The following PINX1 variants were observed in gnomAD, a reference collection of about 807,000 sequenced individuals.
The protein encoded by PINX1 is PIN2/TERF1-interacting telomerase inhibitor 1.
PINX1 carries 34 observed loss-of-function variants against 25.4 expected under a neutral mutation model. The ratio of observed to expected loss-of-function variants is 1.34; its 90% confidence interval spans 1.02 to 1.78. PINX1 has a LOEUF of 1.78. PINX1 is among the 40% of genes most tolerant of loss of function. PINX1 has a pLI of 0.00. For missense variants in PINX1, 592 were observed against 404.9 expected, an observed-to-expected ratio of 1.46 and a Z score of -3.97; for synonymous variants, 197 against 147.7, an observed-to-expected ratio of 1.33 and a Z score of -2.42.
At chr8:10,766,586 C>T (rs1486093334) in intron 6 of PINX1, among the ~76,000 whole-genome samples, 1 of 152,248 alleles carries the variant, frequency 6.6e-6, no homozygotes, top group African/African-American at 2.4e-5. Context: ...TTGGGGGCTT[C>T]TTTCCCTCAG....
chr8:10,785,776 T>C (rs905719492), intron 6 of PINX1, among the ~76,000 whole-genome samples: 1 of 152,238 alleles, frequency 6.6e-6, no homozygotes, highest in Non-Finnish European at 1.5e-5. Flanking sequence ...CTTGTGTATG[T>C]ATACCAACAT....
At chr8:10,773,130 A>T (rs540968333) in intron 6 of PINX1, among the ~76,000 whole-genome samples, 1 of 152,218 alleles carries the variant, frequency 6.6e-6, no homozygotes, top group Non-Finnish European at 1.5e-5. Flanking sequence ...GAATAAATGT[A>T]TTATAAAATC....
In PINX1 at chr8:10,812,550, C is replaced by T. The variant is rs1797560757; in HGVS notation, c.471+7643G>A. On this transcript the variant is annotated intron_variant, in intron 6 of 6. Transcript: ENST00000314787. ...TTCCTTTTCCTGAGTTGTTACCTTT[C>T]GATGAATTTCATCAGTCAGTGCTAG... Among the ~76,000 whole-genome samples the T allele has an allele frequency of 2.6e-5, 4 of 152,206 alleles. No homozygotes were observed. The South Asian group carries it at 6.2e-4, about 24-fold the overall frequency.
intron 1 of PINX1, among the ~76,000 whole-genome samples, 181 bp from the exon 2 acceptor site, chr8:10,834,956 C>T (rs1429810417): frequency 2.0e-5 from 3 of 152,144 alleles, no homozygotes; most frequent in South Asian, 4.1e-4. Context: ...TCCTGATTTC[C>T]CTAATAAATG....
At chr8:10,796,191 C>A (rs1411830238) in intron 6 of PINX1, among the ~76,000 whole-genome samples, 1 of 152,080 alleles carries the variant, frequency 6.6e-6, no homozygotes, top group African/African-American at 2.4e-5. Flanking sequence ...GCTTGATTGG[C>A]TCAGATAAGA....
At chr8:10,801,288 G>A (rs984557469) in intron 6 of PINX1, among the ~76,000 whole-genome samples, 2 of 152,216 alleles carry the variant, frequency 1.3e-5, no homozygotes, top group Non-Finnish European at 2.9e-5. Flanking sequence ...TATGCTAAAG[G>A]AGGAGAGGAT....
Position 10,808,615 on chromosome 8 carries a change from G to T in PINX1, c.471+11578C>A, listed in dbSNP as rs1278509927. Among the ~76,000 whole-genome samples, 5 of 152,204 alleles carry T rather than the reference G, an allele frequency of 3.3e-5. No homozygotes were observed. The East Asian group carries it at 7.7e-4, about 23-fold the overall frequency. ...AAAGTACAGAGAGGTTACATAGCGT[G>T]TCCAGTAGCGCAGTGCTAGCAACTG... On this transcript the variant is annotated intron_variant, in intron 6 of 6. Coordinates refer to ENST00000314787, the MANE Select transcript of PINX1 (RefSeq NM_017884.6).
intron 4 of PINX1, among the ~76,000 whole-genome samples, chr8:10,829,828 GCA>G: frequency 6.6e-6 from 1 of 152,230 alleles, no homozygotes; most frequent in African/African-American, 2.4e-5. Flanking sequence ...GGGATTACAG[GCA>G]TACGCCACCA....
chr8:10,766,517 G>A (rs1801053716), intron 6 of PINX1, among the ~76,000 whole-genome samples: 2 of 152,198 alleles, frequency 1.3e-5, no homozygotes, highest in Admixed American at 6.5e-5. Flanking sequence ...TGCTCCTGAA[G>A]GGAGGGCAGA....
intron 6 of PINX1, among the ~76,000 whole-genome samples, chr8:10,817,376 T>C (rs571858161): frequency 6.6e-6 from 1 of 152,306 alleles, no homozygotes; most frequent in South Asian, 2.1e-4. Flanking sequence ...ACAAATCTGA[T>C]CAAAGTCCTC....
Position 10,834,764 on chromosome 8 carries a change from G to C in PINX1, c.31C>G (p.Gln11Glu), listed in dbSNP as rs1798347948. Reference protein sequence around the residue: MSMLAERRRKQKWAVDPQNTA... With the variant: MSMLAERRRKEKWAVDPQNTA... ...TTCTGAGGATCCACAGCCCACTTCTGCTTCCGCCGACCTGTAAATGAAAAA... is the reference window on the plus strand; with the variant it reads ...TTCTGAGGATCCACAGCCCACTTCTCCTTCCGCCGACCTGTAAATGAAAAA... The change falls in exon 2 of 7, where the codon CAG becomes GAG. Residue 11 changes from glutamine to glutamate, a missense_variant. Coordinates refer to ENST00000314787, the MANE Select transcript of PINX1 (RefSeq NM_017884.6). The C allele has an allele frequency of 1.9e-6, 3 of 1,612,352 alleles. No individual in the cohort carries two copies. The highest frequency in any genetic ancestry group is 2.5e-6 in the Non-Finnish European group (3 of 1,179,160).
intron 6 of PINX1, among the ~76,000 whole-genome samples, chr8:10,814,108 G>A (rs532247892): frequency 5.9e-5 from 9 of 152,062 alleles, no homozygotes; most frequent in African/African-American, 1.2e-4. Flanking sequence ...CATTATCTTC[G>A]ATCATTTCTT....
intron 6 of PINX1, among the ~76,000 whole-genome samples, chr8:10,797,853 C>A (rs1802135538): frequency 6.6e-6 from 1 of 151,704 alleles, no homozygotes; most frequent in Non-Finnish European, 1.5e-5. Context: ...GACCTCTCCA[C>A]TGTCTGATGG....
chr8:10,795,866 C>G (rs1457240751), intron 6 of PINX1, among the ~76,000 whole-genome samples: 1 of 147,544 alleles, frequency 6.8e-6, no homozygotes, highest in Non-Finnish European at 1.5e-5. Flanking sequence ...ATTCACAAAT[C>G]CCATTTGATT....
At chr8:10,818,673 G>A (rs1797774172) in intron 6 of PINX1, among the ~76,000 whole-genome samples, 1 of 152,128 alleles carries the variant, frequency 6.6e-6, no homozygotes, top group African/African-American at 2.4e-5. Flanking sequence ...GAGCCCCACG[G>A]GGCTGGGGAG....
intron 6 of PINX1, among the ~76,000 whole-genome samples, chr8:10,795,341 C>T (rs1802052826): frequency 6.6e-6 from 1 of 152,174 alleles, no homozygotes; most frequent in African/African-American, 2.4e-5. Flanking sequence ...AGAAAGGGTC[C>T]TTTCTAAAGA....
chr8:10,777,880 G>C (rs1299607699), intron 6 of PINX1, among the ~76,000 whole-genome samples: 2 of 152,200 alleles, frequency 1.3e-5, no homozygotes, highest in Non-Finnish European at 2.9e-5. Context: ...GCGGGGTCCA[G>C]GTTGCAGAGC....
At chr8:10,832,744 C>T (rs1473540038) in intron 3 of PINX1, 148 bp downstream of exon 3, 1 of 520,616 alleles carries the variant, frequency 1.9e-6, no homozygotes, top group East Asian at 3.2e-5. Flanking sequence ...TAGTGCCATG[C>T]ATTCAAAGCG....
intron 5 of PINX1, among the ~76,000 whole-genome samples, chr8:10,824,282 G>C (rs1797968738): frequency 6.6e-6 from 1 of 152,198 alleles, no homozygotes; most frequent in African/African-American, 2.4e-5. Flanking sequence ...GTCCACCCTA[G>C]AGGAAACTTT....
Sources: gnomAD v4.1 joint callset for allele counts (sites outside exome capture counted in the v4.1 genomes callset) on GRCh38, gnomAD v4.1.1 for gene constraint, MANE v1.5 for transcripts, NCBI Gene and HGNC (gene_info 2026-07-23, HGNC 2026-07-21) for gene names.